The following ABCC8 variants were observed in gnomAD, a reference collection of about 807,000 sequenced individuals.
The protein encoded by ABCC8 is ATP-binding cassette sub-family C member 8.
A neutral mutation model predicts 188.0 loss-of-function variants in ABCC8; 137 were observed. The observed-to-expected ratio is 0.73, with a 90% CI of 0.63 to 0.84. ABCC8 has a LOEUF of 0.84. Ranked by LOEUF, ABCC8 falls within the 40% of genes least tolerant of loss-of-function variation. ABCC8 has a pLI of 0.00. For missense variants in ABCC8, 1,750 were observed against 2,072.7 expected (o/e 0.84, Z 3.02); for synonymous variants, 797 against 846.5 (o/e 0.94, Z 1.01).
chr11:17,429,368 G>C (rs1955741555), intron 12 of ABCC8: 1 of 152,638 alleles, frequency 6.6e-6, no homozygotes, highest in Non-Finnish European at 1.5e-5. Context: ...GGGTGTAAGT[G>C]AGCTGTGGCC....
At chr11:17,418,964 C>G (rs762124732) in intron 16 of ABCC8, among the ~76,000 whole-genome samples, 1 of 152,168 alleles carries the variant, frequency 6.6e-6, no homozygotes, top group Non-Finnish European at 1.5e-5. Context: ...TTGCAAACAA[C>G]TCATCATCTC....
chr11:17,452,306 T>A (rs1591860598), intron 7 of ABCC8, among the ~76,000 whole-genome samples: 1 of 152,228 alleles, frequency 6.6e-6, no homozygotes, highest in Non-Finnish European at 1.5e-5. Context: ...ACCAAATAGG[T>A]CACTCTCATT....
Position 17,453,151 on chromosome 11 carries a change from C to G in ABCC8, c.1144G>C (p.Glu382Gln). The G allele has an allele frequency of 6.2e-7, 1 of 1,614,128 alleles. No individual in the cohort carries two copies. The highest frequency in any genetic ancestry group is 1.1e-5 in the South Asian group (1 of 91,074). Reference sequence around the variant, plus strand: ...GCTCCTCTCAAGTTAATTCCAGTTTCAATGGCCACATAGTAGGATGCTTGC... The same window carrying G: ...GCTCCTCTCAAGTTAATTCCAGTTTGAATGGCCACATAGTAGGATGCTTGC... ...FLQASYYVAI[E>Q]TGINLRGAIQ... Residue 382 changes from glutamate to glutamine, a missense_variant, in exon 7 of 39, where the codon GAA becomes CAA. Transcript: ENST00000389817.
At chr11:17,442,651 C>T (rs541257370) in intron 10 of ABCC8, 69 bp downstream of exon 10, 37 of 1,515,508 alleles carry the variant, frequency 2.4e-5, no homozygotes, top group Admixed American at 8.3e-5. Flanking sequence ...CCCTCTTACC[C>T]GAGCTCTGAC....
intron 1 of ABCC8, 43 bp from the exon 2 acceptor site, chr11:17,475,070 G>C (rs757138782): frequency 6.2e-6 from 10 of 1,611,890 alleles, no homozygotes; most frequent in East Asian, 4.5e-5. Flanking sequence ...TGCCCACTTG[G>C]AGGAGGAAGA....
rs748466971 is a variant in ABCC8, at chr11:17,442,784, C to T, written c.1566G>A (p.Val522=). ...TCATCTCCTTCCTGCGGGTCGTCTC[C>T]ACCCGCGTGCGGAAGATGTTCTCCC... The part of the protein sequence containing the change: ...YAWENIFRTR[V]ETTRRKEMTS... Residue 522 remains valine, a synonymous_variant, in exon 10 of 39, where the codon GTG becomes GTA. Transcript: ENST00000389817. 3.7e-6 allele frequency: 6 copies of T among 1,613,932 alleles called. No homozygotes were observed. The East Asian group carries it at 1.1e-4, about 30-fold the overall frequency.
intron 7 of ABCC8, among the ~76,000 whole-genome samples, chr11:17,452,751 CA>C (rs1360547761): frequency 6.6e-6 from 1 of 152,192 alleles, no homozygotes; most frequent in Non-Finnish European, 1.5e-5. Context: ...TGTCTGGTAG[CA>C]GAACTCTGGA....
intron 31 of ABCC8, 99 bp downstream of exon 31, chr11:17,397,585 T>C (rs1954006409): frequency 3.4e-6 from 5 of 1,488,070 alleles, no homozygotes; most frequent in Non-Finnish European, 4.5e-6. Context: ...CAAATGAAAT[T>C]GGGGTAAGGC....
chr11:17,442,975 C>T lies in ABCC8; in HGVS notation c.1468-93G>A, dbSNP rs139739986. On this transcript the variant is annotated intron_variant, in intron 9 of 38. Coordinates refer to ENST00000389817, the MANE Select transcript of ABCC8 (RefSeq NM_000352.6). The stretch of plus-strand genomic sequence containing the variant: ...GTGTCAATACTGTCACTGCCATGCC[C>T]GCCTCCTGTCCTCACCGGGAGGCAG... 3.8e-5 allele frequency: 60 copies of T among 1,597,320 alleles called. No homozygotes were observed. In the East Asian group the frequency reaches 6.9e-4, roughly 18 times the overall value.
Position 17,450,685 on chromosome 11 carries a change from C to CTTTT in ABCC8, c.1177-2018_1177-2015dup, listed in dbSNP as rs71047553. ...GTGCTGGGATTACAGGCATGAGCCA[C>CTTTT]TTTTTTTTTTTTTTTTTTTTTGAGA... is the stretch of plus-strand genomic sequence containing the variant. On this transcript the variant is annotated intron_variant, in intron 7 of 38. Coordinates refer to ENST00000389817, the MANE Select transcript of ABCC8 (RefSeq NM_000352.6). Among the ~76,000 whole-genome samples the CTTTT allele has an allele frequency of 5.3e-3, 404 of 76,718 alleles. 39 individuals carry two copies. The highest frequency in any genetic ancestry group is 0.022 in the African/African-American group (380 of 17,280). 50.3% of individuals were successfully genotyped at this position (76,718 alleles called of 152,430 possible).
intron 12 of ABCC8, chr11:17,430,021 C>G (rs1955773201): frequency 6.6e-6 from 1 of 152,570 alleles, no homozygotes; most frequent in Admixed American, 6.5e-5. Context: ...TCACCTTCCT[C>G]AAGGCTGAAG....
At chr11:17,415,375 T>C (rs529209713) in intron 17 of ABCC8, 36 bp from the exon 18 acceptor site, 2 of 1,604,874 alleles carry the variant, frequency 1.2e-6, no homozygotes, top group South Asian at 2.3e-5. Flanking sequence ...TGAGCTCTCA[T>C]GGGAGTGAAC....
chr11:17,433,729 G>A (rs1277069124), intron 10 of ABCC8, among the ~76,000 whole-genome samples: 2 of 152,240 alleles, frequency 1.3e-5, no homozygotes, highest in African/African-American at 4.8e-5. Context: ...GGAAGGCAAG[G>A]CTCCTGCAAT....
rs779183491 is a variant in ABCC8, at chr11:17,406,713, C to T, written c.3238G>A (p.Val1080Ile). 50 of 1,614,050 alleles carry T rather than the reference C, an allele frequency of 3.1e-5. No homozygotes were observed. Among genetic ancestry groups the T allele is most frequent in the East Asian group, 8.9e-5 (4 of 44,884 alleles). Reference sequence around the variant, plus strand: ...GTCCACTCCACAGTGACAGACGTGACGAGGCACAGCACAATGCCCAGGCTG... The same window carrying T: ...GTCCACTCCACAGTGACAGACGTGATGAGGCACAGCACAATGCCCAGGCTG... ...LCSLGIVLCL[V>I]TSVTVEWTGL... Residue 1080 changes from valine (V) to isoleucine (I), a missense_variant, in exon 26 of 39, where the codon GTC becomes ATC. Val to Ile is a conservative substitution (Grantham distance 29). Transcript: ENST00000389817.
rs1169679238 is a variant in ABCC8 at position 17,396,903 on chromosome 11, C to G, written c.4119+13G>C. The stretch of plus-strand genomic sequence containing the variant: ...GCCTGTCCTGCAGCATTGGGTTGGG[C>G]CCGTGCTCTGACCTTCTGTCCAGGG... On this transcript the variant is annotated intron_variant, in intron 33 of 38. Transcript: ENST00000389817. 2 of 1,613,518 alleles carry G rather than the reference C, an allele frequency of 1.2e-6. No individual in the cohort carries two copies. Among genetic ancestry groups the G allele is most frequent in the Non-Finnish European group, 1.7e-6 (2 of 1,179,992 alleles).
chr11:17,473,457 G>A (rs1014297411), intron 2 of ABCC8, among the ~76,000 whole-genome samples: 6 of 152,122 alleles, frequency 3.9e-5, no homozygotes, highest in Non-Finnish European at 7.4e-5. Context: ...CGGGAGGGAG[G>A]ATGAGGGAGC....
At chr11:17,435,825 T>C in intron 10 of ABCC8, 3 of 1,253,828 alleles carry the variant, frequency 2.4e-6, no homozygotes, top group Non-Finnish European at 3.5e-6. Context: ...GGAAGATGAG[T>C]GCAAACTTAG....
intron 1 of ABCC8, among the ~76,000 whole-genome samples, chr11:17,475,727 A>G (rs952716137): frequency 1.3e-4 from 20 of 152,222 alleles, no homozygotes; most frequent in Non-Finnish European, 1.5e-5. Context: ...AACCTCTTGT[A>G]AATCTAATTT....
At position 17,416,950 on chromosome 11, in the gene ABCC8, G is replaced by A. The variant is rs200708414; in HGVS notation, c.2235C>T (p.Ser745=). 2.4e-5 allele frequency: 39 copies of A among 1,611,984 alleles called. No individual in the cohort carries two copies. In the East Asian group the frequency reaches 5.1e-4, roughly 21 times the overall value. ...GAVFWSSLPD[S]EIGEDPSPER... ...TGTACCTGGGGTCCTCTCCTATCTC[G>A]CTGTCAGGAAGGCTGCTGGGACACA... is the stretch of plus-strand genomic sequence containing the variant. Residue 745 remains serine, a synonymous_variant, in exon 17 of 39, where the codon AGC becomes AGT. Transcript: ENST00000389817.
Sources: gnomAD v4.1 joint callset for allele counts (sites outside exome capture counted in the v4.1 genomes callset) on GRCh38, gnomAD v4.1.1 for gene constraint, MANE v1.5 for transcripts, NCBI Gene and HGNC (gene_info 2026-07-23, HGNC 2026-07-21) for gene names.